EYS: variants seen among roughly 807,000 people sequenced by gnomAD.
The protein encoded by EYS is EGF-like photoreceptor maintenance factor.
In EYS, 250 loss-of-function variants were observed where a neutral mutation model predicts 282.1. That is an observed-to-expected ratio of 0.89 (90% CI 0.80 to 0.98). EYS has a LOEUF of 0.98. Ranked by LOEUF, EYS falls within the 50% of genes least tolerant of loss-of-function variation. The pLI is 0.00. For missense variants in EYS, 4,016 were observed against 3,709.0 expected (o/e 1.08, Z -2.15); for synonymous variants, 1,355 against 1,282.9 (o/e 1.06, Z -1.20).
intron 23 of EYS, among the ~76,000 whole-genome samples, chr6:64,620,594 G>C (rs1582962244): frequency 6.6e-6 from 1 of 152,158 alleles, no homozygotes; most frequent in East Asian, 1.9e-4. Context: ...ATACCCATTA[G>C]TATGAAGAAA....
chr6:65,288,323 A>G (rs1320037369), intron 12 of EYS, among the ~76,000 whole-genome samples: 2 of 150,760 alleles, frequency 1.3e-5, no homozygotes, highest in African/African-American at 4.8e-5. Flanking sequence ...AATATTTGGT[A>G]TTATAGCTGT....
intron 12 of EYS, among the ~76,000 whole-genome samples, chr6:65,078,901 C>A (rs978895684): frequency 6.6e-6 from 1 of 151,518 alleles, no homozygotes. Context: ...GGAACCTCCC[C>A]TCCCACTCCC....
At chr6:64,590,099 C>G in intron 26 of EYS, 124 bp downstream of exon 26, 2 of 789,032 alleles carry the variant, frequency 2.5e-6, no homozygotes, top group South Asian at 3.9e-5. Flanking sequence ...CTCAATTGAA[C>G]TGGCTGCTGC....
intron 15 of EYS, among the ~76,000 whole-genome samples, chr6:64,939,243 A>T (rs142490937): frequency 6.6e-6 from 1 of 151,992 alleles, no homozygotes; most frequent in African/African-American, 2.4e-5. Context: ...ATTCAGCTAA[A>T]CTTTAAATTT....
chr6:65,429,414 C>A (rs947883477), intron 5 of EYS, among the ~76,000 whole-genome samples: 2 of 152,090 alleles, frequency 1.3e-5, no homozygotes, highest in African/African-American at 4.8e-5. Flanking sequence ...CAGAGTTATT[C>A]AATTCATTTT....
intron 31 of EYS, among the ~76,000 whole-genome samples, chr6:64,177,555 G>A (rs1028153841): frequency 1.3e-5 from 2 of 151,916 alleles, no homozygotes; most frequent in Admixed American, 6.6e-5. Flanking sequence ...TAGGAAGTCC[G>A]TTTAATTTAG....
intron 5 of EYS, among the ~76,000 whole-genome samples, chr6:65,471,420 T>C (rs1765214432): frequency 6.6e-6 from 1 of 151,298 alleles, no homozygotes; most frequent in African/African-American, 2.4e-5. Flanking sequence ...AAAAAAGGAG[T>C]TTATAAAATC....
chr6:65,224,067 C>G (rs1040726898), intron 12 of EYS, among the ~76,000 whole-genome samples: 1 of 152,064 alleles, frequency 6.6e-6, no homozygotes, highest in Non-Finnish European at 1.5e-5. Context: ...ACAAACCAGA[C>G]CTAACAGACA....
intron 2 of EYS, among the ~76,000 whole-genome samples, chr6:65,511,516 A>C (rs2127288823): frequency 6.6e-6 from 1 of 152,266 alleles, no homozygotes; most frequent in East Asian, 1.9e-4. Flanking sequence ...CTTATAGGCA[A>C]ACTGCTAATA....
chr6:64,367,035 CA>C (rs1463096185), intron 29 of EYS, among the ~76,000 whole-genome samples: 3 of 151,996 alleles, frequency 2.0e-5, no homozygotes. Flanking sequence ...AAAAGATTAT[CA>C]AAGTAAAAAA....
intron 30 of EYS, among the ~76,000 whole-genome samples, chr6:64,292,094 A>G (rs1363165198): frequency 2.0e-5 from 3 of 152,144 alleles, no homozygotes; most frequent in Admixed American, 6.6e-5. Flanking sequence ...AGTAAGCAAC[A>G]CAGCTGAACT....
At chr6:65,206,606 C>A (rs1040305754) in intron 12 of EYS, among the ~76,000 whole-genome samples, 1 of 151,574 alleles carries the variant, frequency 6.6e-6, no homozygotes, top group Admixed American at 6.6e-5. Context: ...TTATCTCTGA[C>A]GAACATGGAT....
chr6:64,258,550 A>C (rs1429923597), intron 30 of EYS, among the ~76,000 whole-genome samples: 1 of 152,104 alleles, frequency 6.6e-6, no homozygotes, highest in Admixed American at 6.6e-5. Flanking sequence ...AAGACAAAAC[A>C]GATTCTAACA....
intron 22 of EYS, chr6:64,631,301 T>G (rs1435904293): frequency 6.6e-6 from 1 of 152,188 alleles, no homozygotes; most frequent in Non-Finnish European, 1.5e-5. Flanking sequence ...CAAATGATTC[T>G]TCAAATTGGA....
At chr6:65,431,003 G>A (rs1040810682) in intron 5 of EYS, among the ~76,000 whole-genome samples, 3 of 152,114 alleles carry the variant, frequency 2.0e-5, no homozygotes, top group Non-Finnish European at 4.4e-5. Context: ...GGAAAGCAGA[G>A]GAAAAAGAAG....
intron 22 of EYS, among the ~76,000 whole-genome samples, chr6:64,634,898 G>C (rs1040253779): frequency 6.6e-6 from 1 of 152,062 alleles, no homozygotes; most frequent in Non-Finnish European, 1.5e-5. Flanking sequence ...CATTGAATCT[G>C]TAAATTACCT....
intron 19 of EYS, among the ~76,000 whole-genome samples, chr6:64,878,735 G>T (rs923240862): frequency 6.6e-6 from 1 of 151,430 alleles, no homozygotes; most frequent in Non-Finnish European, 1.5e-5. Flanking sequence ...TATAATGTAG[G>T]CTGGGAACAT....
At chr6:65,345,379 T>C (rs957312045) in intron 9 of EYS, among the ~76,000 whole-genome samples, 2 of 151,834 alleles carry the variant, frequency 1.3e-5, no homozygotes, top group Non-Finnish European at 2.9e-5. Context: ...AACAGGATTA[T>C]GCTAGCTCCA....
At chr6:64,871,102 G>A (rs929532701) in intron 19 of EYS, among the ~76,000 whole-genome samples, 9 of 151,684 alleles carry the variant, frequency 5.9e-5, no homozygotes, top group Admixed American at 3.3e-4. Context: ...GGCTTATTTC[G>A]CTCAAAATTA....
Sources: gnomAD v4.1 joint callset for allele counts (sites outside exome capture counted in the v4.1 genomes callset) on GRCh38, gnomAD v4.1.1 for gene constraint, MANE v1.5 for transcripts, NCBI Gene and HGNC (gene_info 2026-07-23, HGNC 2026-07-21) for gene names.